RARS1: variants seen among roughly 807,000 people sequenced by gnomAD.
The protein encoded by RARS1 is arginine--tRNA ligase, cytoplasmic.
A neutral mutation model predicts 78.7 loss-of-function variants in RARS1; 75 were observed. That is an observed-to-expected ratio of 0.95 (90% CI 0.79 to 1.15). The LOEUF (loss-of-function observed/expected upper bound fraction) is 1.15. RARS1 is among the 50% of genes most tolerant of loss of function. The pLI, the probability that RARS1 is intolerant of heterozygous loss-of-function variation, is 0.00. For missense variants in RARS1, 787 were observed against 787.5 expected, an observed-to-expected ratio of 1.00 and a Z score of 0.01; for synonymous variants, 273 against 268.2, an observed-to-expected ratio of 1.02 and a Z score of -0.18.
chr5:168,500,243 G>A (rs370679973), intron 7 of RARS1, among the ~76,000 whole-genome samples: 18 of 150,098 alleles, frequency 1.2e-4, no homozygotes, highest in African/African-American at 4.2e-4. Flanking sequence ...ATTCATTCAG[G>A]ACCACATCCA....
intron 1 of RARS1, 103 bp downstream of exon 1, chr5:168,486,646 C>G (rs916155167): frequency 8.1e-7 from 1 of 1,241,514 alleles, no homozygotes; most frequent in Non-Finnish European, 1.1e-6. Flanking sequence ...GAGGACCATC[C>G]TGGTCCTCTC....
chr5:168,494,651 G>C lies in RARS1; in HGVS notation c.579+1G>C. The C allele has an allele frequency of 6.5e-7, 1 of 1,544,518 alleles. No individual in the cohort carries two copies. Among genetic ancestry groups the C allele is most frequent in the Non-Finnish European group, 9.0e-7 (1 of 1,117,198 alleles). ...ACCTGCTCTGGGAGAGAATAAAAAGGTATATGTACACTCTTCTATTAATAT... is the reference window on the plus strand; with the variant it reads ...ACCTGCTCTGGGAGAGAATAAAAAGCTATATGTACACTCTTCTATTAATAT... On this transcript the variant is annotated splice_donor_variant, in intron 5 of 14. Transcript: ENST00000231572. LOFTEE classifies it high-confidence loss of function.
At chr5:168,518,618 A>G (rs1758724387) in intron 14 of RARS1, among the ~76,000 whole-genome samples, 1 of 152,126 alleles carries the variant, frequency 6.6e-6, no homozygotes. Context: ...AACACTTGTT[A>G]TCTTTTCTTA....
In RARS1 at chr5:168,506,593, A is replaced by G. The variant is rs1199636317; in HGVS notation, c.1237-129A>G. ...TAGGGAATAAAAGAAGAGGTTTTATAATAGCACTTGTCTCACAAGATTTAT... is the reference window on the plus strand; with the variant it reads ...TAGGGAATAAAAGAAGAGGTTTTATGATAGCACTTGTCTCACAAGATTTAT... On this transcript the variant is annotated intron_variant, in intron 10 of 14. Coordinates refer to ENST00000231572, the MANE Select transcript of RARS1 (RefSeq NM_002887.4). The G allele has an allele frequency of 7.6e-6, 5 of 658,240 alleles. No individual in the cohort carries two copies. The East Asian group carries it at 8.2e-5, about 11-fold the overall frequency. 40.8% of individuals were successfully genotyped at this position (658,240 alleles called of 1,614,324 possible).
rs200285372 is a variant in RARS1, at chr5:168,488,638, C to T, written c.82C>T (p.Arg28Trp). 1.4e-4 allele frequency: 231 copies of T among 1,609,766 alleles called. No individual in the cohort carries two copies. The East Asian group carries it at 3.6e-3, about 25-fold the overall frequency. ...TAAATCTCTGACTGCTGAAATTGAC[C>T]GGTTGAAAAACTGTGGCTGTTTAGG... ...EIKSLTAEID[R>W]LKNCGCLGAS... The change falls in exon 2 of 15, where the codon CGG (arginine) becomes TGG (tryptophan). Residue 28 changes from arginine (R) to tryptophan (W), a missense_variant. Transcript: ENST00000231572.
chr5:168,518,071 C>CTTTTTGTTTTTTTTTTTTTTTTTTTTT lies in RARS1; in HGVS notation c.1873+14_1873+15insGTTTTTTTTTTTTTTTTTTTTTTTTTT. ...GAAAGATAGACAGACTGGTGAGTGT[C>CTTTTTGTTTTTTTTTTTTTTTTTTTTT]TTTTTTTTTTTTTTTTTTTTTTTTA... On this transcript the variant is annotated intron_variant, in intron 14 of 14. Transcript: ENST00000231572. 1.3e-6 allele frequency: 1 copy of CTTTTTGTTTTTTTTTTTTTTTTTTTTT among 747,558 alleles called. No individual in the cohort carries two copies. Among genetic ancestry groups the CTTTTTGTTTTTTTTTTTTTTTTTTTTT allele is most frequent in the Non-Finnish European group, 1.6e-6 (1 of 622,934 alleles). The allele number at this position is 747,558 out of a possible 1,614,324, so 46.3% of individuals were successfully genotyped here. A position where few individuals can be genotyped will look rare whatever the true frequency, so the allele number is the denominator to read the frequency against.
chr5:168,496,688 T>C (rs531416937), intron 6 of RARS1, among the ~76,000 whole-genome samples: 2 of 152,110 alleles, frequency 1.3e-5, no homozygotes, highest in Admixed American at 6.5e-5. Context: ...TTCACCATGT[T>C]GGCCAGGCGG....
Position 168,516,955 on chromosome 5 carries a change from T to A in RARS1, c.1625+5T>A, listed in dbSNP as rs1167612685. 6.2e-7 allele frequency: 1 copy of A among 1,612,424 alleles called. No individual in the cohort carries two copies. Among genetic ancestry groups the A allele is most frequent in the Admixed American group, 1.7e-5 (1 of 59,968 alleles). On this transcript the variant is annotated splice_donor_5th_base_variant and intron_variant, in intron 13 of 14. Coordinates refer to ENST00000231572, the MANE Select transcript of RARS1 (RefSeq NM_002887.4). ...GTATGCCTTCACTAGAATCAGGTAA[T>A]TGTGGGTAGGCATTGTTTTATTGTG... is the stretch of plus-strand genomic sequence containing the variant.
chr5:168,491,809 C>T (rs1258553672), intron 2 of RARS1, among the ~76,000 whole-genome samples: 1 of 152,154 alleles, frequency 6.6e-6, no homozygotes, highest in Admixed American at 6.5e-5. Context: ...TTATTTTATA[C>T]TGTTGACATT....
intron 2 of RARS1, among the ~76,000 whole-genome samples, chr5:168,491,445 AT>A (rs1758081210): frequency 6.6e-6 from 1 of 152,236 alleles, no homozygotes; most frequent in Non-Finnish European, 1.5e-5. Context: ...GGAAAAATGT[AT>A]CTTCCTTGTT....
intron 4 of RARS1, 84 bp from the exon 5 acceptor site, chr5:168,494,466 G>A: frequency 6.4e-7 from 1 of 1,563,350 alleles, no homozygotes; most frequent in Non-Finnish European, 8.6e-7. Context: ...CCAGAGCCAG[G>A]TCAGTGTCTG....
chr5:168,505,077 T>C (rs1052849285), intron 9 of RARS1, among the ~76,000 whole-genome samples: 4 of 152,224 alleles, frequency 2.6e-5, no homozygotes, highest in Admixed American at 2.0e-4. Context: ...CAGGGTCACA[T>C]AGCTAATAAG....
intron 12 of RARS1, among the ~76,000 whole-genome samples, chr5:168,514,594 A>G (rs2113031912): frequency 6.6e-6 from 1 of 152,342 alleles, no homozygotes; most frequent in Non-Finnish European, 1.5e-5. Context: ...GATAGTACAA[A>G]GAATTTTGTA....
At chr5:168,515,805 C>G (rs1758655678) in intron 12 of RARS1, among the ~76,000 whole-genome samples, 1 of 152,340 alleles carries the variant, frequency 6.6e-6, no homozygotes, top group African/African-American at 2.4e-5. Flanking sequence ...AATCACTGCT[C>G]AGCTCTTTAA....
chr5:168,493,507 G>A (rs564302830), intron 3 of RARS1, among the ~76,000 whole-genome samples: 4 of 151,712 alleles, frequency 2.6e-5, no homozygotes, highest in Admixed American at 2.6e-4. Context: ...AAAGTTCGAG[G>A]TGTTGTAATC....
At chr5:168,501,162 A>G (rs934901465) in intron 8 of RARS1, among the ~76,000 whole-genome samples, 2 of 152,332 alleles carry the variant, frequency 1.3e-5, no homozygotes, top group South Asian at 2.1e-4. Flanking sequence ...ACTTGACATA[A>G]TAGTTTTAAA....
intron 1 of RARS1, among the ~76,000 whole-genome samples, chr5:168,487,771 A>G (rs753290880): frequency 2.6e-5 from 4 of 152,198 alleles, no homozygotes; most frequent in African/African-American, 4.8e-5. Context: ...CTGAATTGAC[A>G]TGTCTTTAGT....
Position 168,510,653 on chromosome 5 carries a change from C to T in RARS1, c.1419C>T (p.Ser473=). The T allele has an allele frequency of 6.2e-7, 1 of 1,610,404 alleles. No homozygotes were observed. The highest frequency in any genetic ancestry group is 1.1e-5 in the South Asian group (1 of 90,060). The change falls in exon 12 of 15, where the codon TCC becomes TCT. Residue 473 remains serine (S), a synonymous_variant. Coordinates refer to ENST00000231572, the MANE Select transcript of RARS1 (RefSeq NM_002887.4). The part of the protein sequence containing the change: ...MDLLGEGLKR[S]MDKLKEKERD... ...TTCTGGGAGAAGGACTAAAACGATC[C>T]ATGGACAAGTTGAAGGAAAAAGAAA...
intron 14 of RARS1, 33 bp downstream of exon 14, chr5:168,518,095 T>TTTTTTTTA: frequency 7.5e-7 from 1 of 1,338,148 alleles, no homozygotes. Flanking sequence ...TTTTTTTTTT[T>TTTTTTTTA]AGTGAGAGAC....
Sources: gnomAD v4.1 joint callset for allele counts (sites outside exome capture counted in the v4.1 genomes callset) on GRCh38, gnomAD v4.1.1 for gene constraint, MANE v1.5 for transcripts, NCBI Gene and HGNC (gene_info 2026-07-23, HGNC 2026-07-21) for gene names.